HDHD5: variants seen among roughly 807,000 people sequenced by gnomAD.
HDHD5 encodes the protein haloacid dehalogenase-like hydrolase domain-containing 5.
HDHD5 carries 34 observed loss-of-function variants against 35.5 expected under a neutral mutation model. That is an observed-to-expected ratio of 0.96 (90% CI 0.73 to 1.28). The LOEUF (loss-of-function observed/expected upper bound fraction) is 1.28. HDHD5 is among the 50% of genes most tolerant of loss of function. The probability of loss-of-function intolerance (pLI) is 0.00; values close to 1 mark genes in which losing one functional copy is unlikely to be tolerated. For synonymous variants in HDHD5, 248 were observed against 240.6 expected, an observed-to-expected ratio of 1.03 and a Z score of -0.29; for missense variants, 589 against 560.2, an observed-to-expected ratio of 1.05 and a Z score of -0.52.
chr22:17,161,506 C>T (rs926377347), upstream of HDHD5, among the ~76,000 whole-genome samples: 9 of 151,386 alleles, frequency 5.9e-5, no homozygotes, highest in African/African-American at 2.2e-4. Context: ...TTGCAGAGAG[C>T]TGAGCTGAGA....
chr22:17,158,495 C>T (rs2061826636), intron 1 of HDHD5: 1 of 152,308 alleles, frequency 6.6e-6, no homozygotes, highest in Non-Finnish European at 1.5e-5. Context: ...GCTGCAGGAC[C>T]TGAGAAAACG....
intron 1 of HDHD5, among the ~76,000 whole-genome samples, chr22:17,156,940 T>C (rs749750875): frequency 6.6e-6 from 1 of 151,828 alleles, no homozygotes. Flanking sequence ...TAGCTGGGCG[T>C]GGTGGCAGGC....
intron 1 of HDHD5, among the ~76,000 whole-genome samples, chr22:17,151,701 G>A (rs1281741344): frequency 1.5e-5 from 2 of 131,434 alleles, no homozygotes; most frequent in African/African-American, 3.1e-5. Context: ...CTGCACTTAA[G>A]CCTGGGCGAC....
upstream of HDHD5, among the ~76,000 whole-genome samples, chr22:17,162,461 T>A (rs950524980): frequency 6.6e-6 from 1 of 152,232 alleles, no homozygotes; most frequent in Non-Finnish European, 1.5e-5. Flanking sequence ...CTGCCTTGCT[T>A]TCATTCTTCC....
upstream of HDHD5, among the ~76,000 whole-genome samples, chr22:17,161,390 C>G (rs1279500366): frequency 6.6e-6 from 1 of 151,164 alleles, no homozygotes; most frequent in Non-Finnish European, 1.5e-5. Context: ...GAAACTCTGT[C>G]TCTACTAAAA....
upstream of HDHD5, among the ~76,000 whole-genome samples, chr22:17,161,589 G>A (rs1362395591): frequency 6.6e-6 from 1 of 150,832 alleles, no homozygotes; most frequent in Non-Finnish European, 1.5e-5. Flanking sequence ...CTGGAGTTGG[G>A]TGGGTATGGT....
At chr22:17,150,830 T>C (rs1378788961) in intron 1 of HDHD5, among the ~76,000 whole-genome samples, 1 of 152,226 alleles carries the variant, frequency 6.6e-6, no homozygotes, top group African/African-American at 2.4e-5. Flanking sequence ...TATCATTCCA[T>C]ATTAATTATG....
chr22:17,143,135 CAG>C lies in HDHD5; in HGVS notation c.538-6_538-5del. On this transcript the variant is annotated splice_region_variant and splice_polypyrimidine_tract_variant and intron_variant, in intron 4 of 7. Coordinates refer to ENST00000336737, the MANE Select transcript of HDHD5 (RefSeq NM_033070.3). ...GGAAGTCATTCCTCGGGAGGGGCTG[CAG>C]AGAGACAAAGGAGAGGCTATCAACA... 2.5e-6 allele frequency: 4 copies of C among 1,608,534 alleles called. No homozygotes were observed. The highest frequency in any genetic ancestry group is 2.7e-5 in the African/African-American group (2 of 74,834).
chr22:17,139,555 G>A (rs568148240), intron 6 of HDHD5, among the ~76,000 whole-genome samples: 8 of 151,536 alleles, frequency 5.3e-5, no homozygotes, highest in South Asian at 2.1e-4. Flanking sequence ...AACTGGGGAC[G>A]GTATTCTTCT....
chr22:17,157,930 T>C (rs1408301040), intron 1 of HDHD5, among the ~76,000 whole-genome samples: 7 of 152,242 alleles, frequency 4.6e-5, no homozygotes, highest in African/African-American at 1.2e-4. Context: ...AGACTAATAA[T>C]AGTACTTTCC....
chr22:17,159,810 A>G (rs750267788), upstream of HDHD5: 56 of 281,684 alleles, frequency 2.0e-4, 1 homozygote, highest in South Asian at 3.6e-4. Flanking sequence ...CGCACTGCGG[A>G]GAGGTAGAGG....
At chr22:17,162,019 A>G (rs2061866425), upstream of HDHD5, among the ~76,000 whole-genome samples, 1 of 152,188 alleles carries the variant, frequency 6.6e-6, no homozygotes, top group African/African-American at 2.4e-5. Flanking sequence ...CATAAAAGAT[A>G]CTGTGACTTC....
chr22:17,145,491 C>T (rs1346411475), intron 3 of HDHD5, among the ~76,000 whole-genome samples: 1 of 152,180 alleles, frequency 6.6e-6, no homozygotes, highest in Non-Finnish European at 1.5e-5. Context: ...ATGGCTTGAG[C>T]CCAGGAGTTC....
intron 1 of HDHD5, among the ~76,000 whole-genome samples, chr22:17,156,320 A>T (rs5994184): frequency 0.089 from 13,558 of 152,066 alleles, 935 homozygotes; most frequent in African/African-American, 0.18. Flanking sequence ...AAAAAAAAAA[A>T]TTTTTTTTAA....
At chr22:17,155,981 C>T (rs1249255394) in intron 1 of HDHD5, among the ~76,000 whole-genome samples, 2 of 152,092 alleles carry the variant, frequency 1.3e-5, no homozygotes, top group Non-Finnish European at 2.9e-5. Context: ...AACTCCAACG[C>T]CAAAAGGTTT....
rs930929893 is a variant in HDHD5 at position 17,138,190 on chromosome 22, G to C, written c.1103C>G (p.Pro368Arg). The C allele has an allele frequency of 6.2e-7, 1 of 1,614,068 alleles. No homozygotes were observed. The highest frequency in any genetic ancestry group is 1.3e-5 in the African/African-American group (1 of 74,918). The stretch of plus-strand genomic sequence containing the variant: ...AGGCTCCGTGGACTGTGGGTTCCTG[G>C]GATTGTAGACGCCTGTACACACCAG... The part of the protein sequence containing the change: ...SILVCTGVYN[P>R]RNPQSTEPVL... The change falls in exon 8 of 8, where the codon CCC (proline) becomes CGC (arginine). Residue 368 changes from proline to arginine, a missense_variant. Coordinates refer to ENST00000336737, the MANE Select transcript of HDHD5 (RefSeq NM_033070.3).
chr22:17,139,370 A>G (rs1470984767), intron 6 of HDHD5, among the ~76,000 whole-genome samples: 1 of 152,082 alleles, frequency 6.6e-6, no homozygotes, highest in Non-Finnish European at 1.5e-5. Flanking sequence ...TCTACCAAAA[A>G]TGCAAAAATT....
In HDHD5 at chr22:17,139,494, T is replaced by C. The variant is rs553315578; in HGVS notation, c.747-756A>G. On this transcript the variant is annotated intron_variant, in intron 6 of 7. Coordinates refer to ENST00000336737, the MANE Select transcript of HDHD5 (RefSeq NM_033070.3). ...AGCGGGCCAAGATTGCACCACTGCA[T>C]TCCAGCCTGGGCAAAAGAGCAAGAC... is the stretch of plus-strand genomic sequence containing the variant. Among the ~76,000 whole-genome samples the C allele has an allele frequency of 4.5e-4, 68 of 151,354 alleles. No individual in the cohort carries two copies. The South Asian group carries it at 6.3e-3, about 14-fold the overall frequency.
Position 17,141,209 on chromosome 22 carries a change from A to T in HDHD5, c.596T>A (p.Val199Asp). 1 of 1,597,432 alleles carries T rather than the reference A, an allele frequency of 6.3e-7. No individual in the cohort carries two copies. Among genetic ancestry groups the T allele is most frequent in the South Asian group, 1.1e-5 (1 of 88,670 alleles). Residue 199 changes from valine to aspartate, a missense_variant, in exon 6 of 8, where the codon GTC (valine) becomes GAC (aspartate). Val to Asp is a radical substitution (Grantham distance 152). Coordinates refer to ENST00000336737, the MANE Select transcript of HDHD5 (RefSeq NM_033070.3). ...CAGCTGCAGGCTGGTCTCCCAGCGGACCGGCTCCCCTAGGAGGAGCACCCC... is the reference window on the plus strand; with the variant it reads ...CAGCTGCAGGCTGGTCTCCCAGCGGTCCGGCTCCCCTAGGAGGAGCACCCC... ...IEGVLLLGEP[V>D]RWETSLQLIM... is the part of the protein sequence containing the mutation.
Sources: gnomAD v4.1 joint callset for allele counts (sites outside exome capture counted in the v4.1 genomes callset) on GRCh38, gnomAD v4.1.1 for gene constraint, MANE v1.5 for transcripts, NCBI Gene and HGNC (gene_info 2026-07-23, HGNC 2026-07-21) for gene names.